Variants in COL11A1 observed in about 807,000 individuals in gnomAD.
COL11A1 encodes collagen alpha-1(XI) chain.
A neutral mutation model predicts 265.2 loss-of-function variants in COL11A1; 74 were observed. The observed-to-expected ratio is 0.28, with a 90% CI of 0.23 to 0.34. COL11A1 has a LOEUF of 0.34. COL11A1 is among the 10% of genes least tolerant of loss of function. The pLI is 1.00. For missense variants in COL11A1, 2,165 were observed against 2,263.6 expected (o/e 0.96, Z 0.88); for synonymous variants, 816 against 727.6 (o/e 1.12, Z -1.96).
At chr1:103,011,439 G>A (rs1223366207) in intron 14 of COL11A1, among the ~76,000 whole-genome samples, 3 of 151,876 alleles carry the variant, frequency 2.0e-5, no homozygotes, top group Admixed American at 2.0e-4. Context: ...ATGATTGAAT[G>A]TATATTCCTG....
chr1:103,096,086 A>G (rs1673737161), intron 1 of COL11A1, among the ~76,000 whole-genome samples: 2 of 151,864 alleles, frequency 1.3e-5, no homozygotes, highest in Non-Finnish European at 2.9e-5. Context: ...GACTTGAATC[A>G]ACTTTTTTTT....
At chr1:102,882,740 G>A (rs1476534714) in intron 64 of COL11A1, among the ~76,000 whole-genome samples, 1 of 151,884 alleles carries the variant, frequency 6.6e-6, no homozygotes, top group Non-Finnish European at 1.5e-5. Context: ...AATAATGTTA[G>A]GTAAAAATTA....
At chr1:103,051,681 G>C (rs905430525) in intron 4 of COL11A1, among the ~76,000 whole-genome samples, 2 of 152,176 alleles carry the variant, frequency 1.3e-5, no homozygotes, top group Non-Finnish European at 1.5e-5. Flanking sequence ...GAAATCACCT[G>C]TCTTCTGCAT....
chr1:103,098,706 G>C (rs781463052), intron 1 of COL11A1, among the ~76,000 whole-genome samples: 2 of 151,772 alleles, frequency 1.3e-5, no homozygotes, highest in Non-Finnish European at 2.9e-5. Flanking sequence ...ATAAGTATTT[G>C]AGTTTTGGAT....
chr1:103,015,222 C>T (rs533815759), intron 12 of COL11A1, among the ~76,000 whole-genome samples: 24 of 151,588 alleles, frequency 1.6e-4, no homozygotes, highest in South Asian at 4.2e-4. Flanking sequence ...ATTTTTTTCC[C>T]AAAACACCAG....
chr1:103,099,536 A>T (rs1674066852), intron 1 of COL11A1, among the ~76,000 whole-genome samples: 1 of 151,022 alleles, frequency 6.6e-6, no homozygotes, highest in Non-Finnish European at 1.5e-5. Context: ...TCAGACAACT[A>T]ATCCCCAATA....
chr1:102,929,589 C>T (rs1432671004), intron 46 of COL11A1, among the ~76,000 whole-genome samples: 1 of 151,672 alleles, frequency 6.6e-6, no homozygotes, highest in African/African-American at 2.4e-5. Context: ...TTTTTTGGTT[C>T]CATATGAACT....
At chr1:103,057,197 C>CT (rs1351960395) in intron 4 of COL11A1, among the ~76,000 whole-genome samples, 4 of 152,220 alleles carry the variant, frequency 2.6e-5, no homozygotes, top group African/African-American at 7.2e-5. Context: ...ATTCTAAATC[C>CT]TTTGATGTCA....
At chr1:102,938,222 TG>T (rs1361847160) in intron 44 of COL11A1, among the ~76,000 whole-genome samples, 1 of 152,034 alleles carries the variant, frequency 6.6e-6, no homozygotes, top group Non-Finnish European at 1.5e-5. Context: ...ATCAGACTGA[TG>T]GATCACAAAA....
At chr1:103,086,084 T>C (rs1239745880) in intron 1 of COL11A1, among the ~76,000 whole-genome samples, 1 of 152,220 alleles carries the variant, frequency 6.6e-6, no homozygotes, top group Non-Finnish European at 1.5e-5. Flanking sequence ...ATAATATGTT[T>C]ATGTTATTTG....
At chr1:103,041,001 A>G (rs1340837156) in intron 4 of COL11A1, among the ~76,000 whole-genome samples, 1 of 151,526 alleles carries the variant, frequency 6.6e-6, no homozygotes, top group Non-Finnish European at 1.5e-5. Flanking sequence ...GTGCTTTTTA[A>G]TTTTTATATT....
intron 31 of COL11A1, among the ~76,000 whole-genome samples, chr1:102,981,231 C>T (rs1259542942): frequency 1.3e-5 from 2 of 152,048 alleles, no homozygotes; most frequent in Non-Finnish European, 2.9e-5. Context: ...GTAATATTCA[C>T]GTACTGGGGA....
At chr1:103,027,190 G>A (rs933598352) in intron 5 of COL11A1, among the ~76,000 whole-genome samples, 9 of 150,204 alleles carry the variant, frequency 6.0e-5, no homozygotes, top group Non-Finnish European at 1.0e-4. Flanking sequence ...CTTAATAGAG[G>A]GAGTTAAAAG....
At chr1:102,979,807 A>T (rs1470497977) in intron 31 of COL11A1, among the ~76,000 whole-genome samples, 1 of 152,186 alleles carries the variant, frequency 6.6e-6, no homozygotes, top group African/African-American at 2.4e-5. Context: ...ACAAACAGGA[A>T]TAGTCAAATA....
At chr1:103,085,614 G>T (rs1672790274) in intron 1 of COL11A1, among the ~76,000 whole-genome samples, 2 of 151,992 alleles carry the variant, frequency 1.3e-5, no homozygotes, top group African/African-American at 2.4e-5. Context: ...TATTCTATTG[G>T]CTTCATACCT....
chr1:103,035,724 T>A (rs572361275), intron 4 of COL11A1, among the ~76,000 whole-genome samples: 1 of 152,010 alleles, frequency 6.6e-6, no homozygotes, highest in Non-Finnish European at 1.5e-5. Context: ...ATATTTAAAA[T>A]CATCATAAGT....
intron 57 of COL11A1, among the ~76,000 whole-genome samples, chr1:102,891,348 C>T (rs1651751899): frequency 6.6e-6 from 1 of 151,892 alleles, no homozygotes; most frequent in Non-Finnish European, 1.5e-5. Context: ...TTCTAAATTG[C>T]ACCTCATATC....
Position 102,904,540 on chromosome 1 carries a change from C to T in COL11A1, c.4087-5546G>A, listed in dbSNP as rs373329735. ...AACAAATTTACAAGAAAAAAACAAA[C>T]AACCCCATCAAAAAGTGGGTGAAGG... is the stretch of plus-strand genomic sequence containing the variant. On this transcript the variant is annotated intron_variant, in intron 54 of 66. Transcript: ENST00000370096. 7.9e-5 allele frequency among the ~76,000 whole-genome samples: 12 copies of T among 152,066 alleles called. No homozygotes were observed. In the East Asian group the frequency reaches 9.6e-4, roughly 12 times the overall value.
chr1:103,005,800 T>G lies in COL11A1; in HGVS notation c.1845+38A>C, dbSNP rs375927462. The G allele has an allele frequency of 2.4e-5, 39 of 1,610,500 alleles. No individual in the cohort carries two copies. In the Admixed American group the frequency reaches 6.2e-4, roughly 26 times the overall value. ...TTGTTATCAATTCTAAAATATTTTA[T>G]AACATTCCCTGGAAAAAAAGGAATA... On this transcript the variant is annotated intron_variant, in intron 18 of 66. Transcript: ENST00000370096.
Sources: allele counts gnomAD v4.1 joint callset (sites outside exome capture counted in the v4.1 genomes callset), GRCh38; gene constraint gnomAD v4.1.1; transcripts MANE v1.5; gene names NCBI Gene and HGNC (gene_info 2026-07-23, HGNC 2026-07-21).